The following ZFAT variants were observed in gnomAD, a reference collection of about 807,000 sequenced individuals.
ZFAT encodes zinc finger protein ZFAT.
Under a neutral mutation model 117.7 loss-of-function variants are expected in ZFAT, and 64 were observed. The observed-to-expected ratio is 0.54, with a 90% CI of 0.44 to 0.67. The LOEUF is 0.67. Among genes scored for constraint, ZFAT ranks in the 30% least tolerant of loss-of-function variants. The probability of loss-of-function intolerance (pLI) is 0.00; values close to 1 mark genes in which losing one functional copy is unlikely to be tolerated. For synonymous variants in ZFAT, 679 were observed against 615.0 expected (o/e 1.10, Z -1.54); for missense variants, 1,433 against 1,584.5 (o/e 0.90, Z 1.62).
intron 11 of ZFAT, among the ~76,000 whole-genome samples, chr8:134,538,142 C>T (rs1821975031): frequency 6.6e-6 from 1 of 152,170 alleles, no homozygotes; most frequent in South Asian, 2.1e-4. Flanking sequence ...AGGATTGGAT[C>T]AGCTCCCTGG....
chr8:134,825,039 C>A, the ZFAT span, among the ~76,000 whole-genome samples: 8 of 152,184 alleles, frequency 5.3e-5, no homozygotes, highest in African/African-American at 1.9e-4. Flanking sequence ...ACTATGGTGT[C>A]TATTCTTCCA....
At chr8:134,681,564 T>C (rs1331402753) in intron 1 of ZFAT, among the ~76,000 whole-genome samples, 1 of 152,240 alleles carries the variant, frequency 6.6e-6, no homozygotes, top group African/African-American at 2.4e-5. Context: ...AGTACATTAC[T>C]CTGTTTAAAA....
chr8:134,497,415 CAG>C (rs778657898), intron 15 of ZFAT, among the ~76,000 whole-genome samples: 14 of 151,756 alleles, frequency 9.2e-5, no homozygotes, highest in Non-Finnish European at 1.8e-4. Flanking sequence ...TGGTTACACA[CAG>C]AGCCTGATTT....
chr8:134,625,812 T>C (rs894349), intron 3 of ZFAT, among the ~76,000 whole-genome samples: 114,852 of 152,096 alleles, frequency 0.76, 43,672 homozygotes, highest in East Asian at 0.91. Context: ...GTGAGCCACG[T>C]GTTCAGTACT....
chr8:134,686,655 T>C (rs944892822), intron 1 of ZFAT, among the ~76,000 whole-genome samples: 4 of 152,144 alleles, frequency 2.6e-5, no homozygotes, highest in Non-Finnish European at 4.4e-5. Flanking sequence ...CACACACACT[T>C]GGCCTCTCTG....
intron 1 of ZFAT, among the ~76,000 whole-genome samples, chr8:134,694,079 T>C (rs1833711526): frequency 1.3e-5 from 2 of 152,130 alleles, no homozygotes; most frequent in African/African-American, 4.8e-5. Context: ...AATATCAATG[T>C]CCTGGAACAC....
chr8:134,483,103 T>C (rs1378726182), intron 15 of ZFAT, among the ~76,000 whole-genome samples: 2 of 152,220 alleles, frequency 1.3e-5, no homozygotes, highest in Non-Finnish European at 2.9e-5. Context: ...TGGTATATGA[T>C]CACACTCTGT....
In ZFAT at chr8:134,478,491, C is replaced by T; in HGVS notation, c.3723G>A (p.Gln1241=). The part of the protein sequence containing the change: ...VEEQAVEQPA[Q]EL ...CGATGCCACATGTCCTCTAGAGTTC[C>T]TGGGCCGGCTGCTCCACAGCCTGCT... The change falls in exon 16 of 16, where the codon CAG becomes CAA. Residue 1241 remains glutamine (Q), a synonymous_variant. Coordinates refer to ENST00000377838, the MANE Select transcript of ZFAT (RefSeq NM_020863.4). This position sits in a 1 kb window ranked among gnomAD's most constrained non-coding sequence, Gnocchi z 5.2. 6.4e-7 allele frequency: 1 copy of T among 1,568,172 alleles called. No individual in the cohort carries two copies. The highest frequency in any genetic ancestry group is 8.6e-7 in the Non-Finnish European group (1 of 1,156,892).
the ZFAT span, among the ~76,000 whole-genome samples, chr8:134,825,530 A>G: frequency 1.3e-5 from 2 of 152,360 alleles, no homozygotes; most frequent in Middle Eastern, 3.4e-3. Context: ...ACTCCATCAG[A>G]TAAAACATTA....
At chr8:134,608,012 C>T (rs1828022698) in intron 5 of ZFAT, among the ~76,000 whole-genome samples, 1 of 152,090 alleles carries the variant, frequency 6.6e-6, no homozygotes, top group South Asian at 2.1e-4. Flanking sequence ...ATGTATACAC[C>T]AAAACATTAA....
At chr8:134,532,700 G>C in intron 12 of ZFAT, 134 bp downstream of exon 12, 1 of 1,214,112 alleles carries the variant, frequency 8.2e-7, no homozygotes, top group Non-Finnish European at 1.1e-6. Flanking sequence ...CAACAATTAG[G>C]ACGATGAAGA....
the ZFAT span, among the ~76,000 whole-genome samples, chr8:134,750,943 T>C: frequency 8.4e-4 from 128 of 152,266 alleles, no homozygotes; most frequent in Non-Finnish European, 1.4e-3. Context: ...ACAAAGGAGA[T>C]ATATAATGAA....
chr8:134,745,274 C>T, the ZFAT span, among the ~76,000 whole-genome samples: 2 of 152,294 alleles, frequency 1.3e-5, no homozygotes, highest in East Asian at 3.9e-4. Flanking sequence ...CCTGGTCTAA[C>T]TCCTTAAGAC....
chr8:134,610,203 C>T (rs1365646023), intron 4 of ZFAT, among the ~76,000 whole-genome samples: 1 of 152,226 alleles, frequency 6.6e-6, no homozygotes, highest in Non-Finnish European at 1.5e-5. Context: ...CCCGGAACCA[C>T]TACTCCAGCA....
intron 11 of ZFAT, among the ~76,000 whole-genome samples, chr8:134,537,142 T>C (rs1821902081): frequency 6.6e-6 from 1 of 152,268 alleles, no homozygotes; most frequent in Admixed American, 6.5e-5. Context: ...ATGGATTAAT[T>C]CCTATAAGTC....
chr8:134,509,281 C>A (rs1398485236), intron 15 of ZFAT, among the ~76,000 whole-genome samples: 2 of 152,184 alleles, frequency 1.3e-5, no homozygotes, highest in Non-Finnish European at 2.9e-5. Context: ...ACTAATGGCG[C>A]CTTAGGCACT....
At chr8:134,526,514 G>T (rs1164009969) in intron 12 of ZFAT, among the ~76,000 whole-genome samples, 1 of 152,034 alleles carries the variant, frequency 6.6e-6, no homozygotes. Context: ...TTCCTCCCAC[G>T]GACTGATTAA....
rs539527313 is a variant in ZFAT at position 134,601,625 on chromosome 8, C to T, written c.2094G>A (p.Gln698=). The T allele has an allele frequency of 1.9e-6, 3 of 1,614,222 alleles. No individual in the cohort carries two copies. The highest frequency in any genetic ancestry group is 1.3e-5 in the African/African-American group (1 of 75,072). The change falls in exon 6 of 16, where the codon CAG becomes CAA. Residue 698 remains glutamine, a synonymous_variant. Coordinates refer to ENST00000377838, the MANE Select transcript of ZFAT (RefSeq NM_020863.4). ...VAGGGDTITH[Q]PDSCKAAPEH... is the part of the protein sequence containing the mutation. ...CAGGGGCAGCTTTGCAAGAGTCAGG[C>T]TGATGTGTGATGGTGTCCCCACCAC...
the ZFAT span, among the ~76,000 whole-genome samples, chr8:134,770,801 T>A: frequency 6.6e-6 from 1 of 152,188 alleles, no homozygotes; most frequent in Non-Finnish European, 1.5e-5. Context: ...CGGGTAGGTC[T>A]CTAAACTGGG....
Sources: allele counts gnomAD v4.1 joint callset (sites outside exome capture counted in the v4.1 genomes callset), GRCh38; gene constraint gnomAD v4.1.1; non-coding constraint Gnocchi (gnomAD v3.1); transcripts MANE v1.5; gene names NCBI Gene and HGNC (gene_info 2026-07-23, HGNC 2026-07-21).